The following PLA2R1 variants were observed in gnomAD, a reference collection of about 807,000 sequenced individuals.
PLA2R1 encodes the protein secretory phospholipase A2 receptor.
In PLA2R1, 158 loss-of-function variants were observed where a neutral mutation model predicts 195.9. The observed-to-expected ratio is 0.81, with a 90% CI of 0.71 to 0.92. PLA2R1 has a LOEUF of 0.92. Ranked by LOEUF, PLA2R1 falls within the 40% of genes least tolerant of loss-of-function variation. The pLI is 0.00. For synonymous variants in PLA2R1, 586 were observed against 598.2 expected (o/e 0.98, Z 0.30); for missense variants, 1,626 against 1,764.6 (o/e 0.92, Z 1.41).
intron 11 of PLA2R1, among the ~76,000 whole-genome samples, chr2:159,993,994 A>G (rs1343823449): frequency 6.6e-6 from 1 of 152,046 alleles, no homozygotes; most frequent in Non-Finnish European, 1.5e-5. Flanking sequence ...TTTTTATAGG[A>G]CTATCCCAGC....
chr2:159,974,638 T>C (rs1290187065), intron 17 of PLA2R1, among the ~76,000 whole-genome samples: 1 of 152,174 alleles, frequency 6.6e-6, no homozygotes, highest in Non-Finnish European at 1.5e-5. Context: ...ATATTGAACA[T>C]TATGGTTTTG....
At chr2:160,042,402 A>G (rs1248101307) in intron 2 of PLA2R1, among the ~76,000 whole-genome samples, 2 of 152,200 alleles carry the variant, frequency 1.3e-5, no homozygotes, top group African/African-American at 4.8e-5. Context: ...GTGCTGATAC[A>G]TGGTTTGCTT....
At chr2:160,039,592 C>T (rs1694394837) in intron 3 of PLA2R1, among the ~76,000 whole-genome samples, 1 of 152,088 alleles carries the variant, frequency 6.6e-6, no homozygotes, top group African/African-American at 2.4e-5. Context: ...TCTTCTCTGT[C>T]CTATCCACTT....
intron 11 of PLA2R1, among the ~76,000 whole-genome samples, chr2:160,002,052 C>T (rs1233394768): frequency 1.3e-5 from 2 of 151,542 alleles, no homozygotes; most frequent in Non-Finnish European, 3.0e-5. Context: ...AGAACACATG[C>T]AAGGCCATAA....
At position 159,976,584 on chromosome 2, in the gene PLA2R1, C is replaced by T. The variant is rs181815152; in HGVS notation, c.2437+101G>A. 4 of 758,100 alleles carry T rather than the reference C, an allele frequency of 5.3e-6. No individual in the cohort carries two copies. The East Asian group carries it at 1.1e-4, about 20-fold the overall frequency. 47.0% of individuals were successfully genotyped at this position (758,100 alleles called of 1,614,324 possible). On this transcript the variant is annotated intron_variant, in intron 16 of 29. Coordinates refer to ENST00000283243, the MANE Select transcript of PLA2R1 (RefSeq NM_007366.5). ...CTAGGTTGACACAAGAAAAGAGAGGCTCGATTTGAGAAATGTAACAACACA... is the reference window on the plus strand; with the variant it reads ...CTAGGTTGACACAAGAAAAGAGAGGTTCGATTTGAGAAATGTAACAACACA...
the PLA2R1 span, among the ~76,000 whole-genome samples, chr2:159,926,303 C>G: frequency 6.6e-6 from 1 of 152,034 alleles, no homozygotes; most frequent in Admixed American, 6.5e-5. Context: ...TTTGGAAAGG[C>G]GATAAATGAC....
At position 160,013,255 on chromosome 2, in the gene PLA2R1, T is replaced by A. The variant is rs574923344; in HGVS notation, c.1664+8A>T. Reference sequence around the variant, plus strand: ...CGTCTTGTTTCTGTTAAAAAAAGTTTAATTTACCTGTTTGTAATGGTTACA... The same window carrying A: ...CGTCTTGTTTCTGTTAAAAAAAGTTAAATTTACCTGTTTGTAATGGTTACA... On this transcript the variant is annotated splice_region_variant and intron_variant, in intron 10 of 29. Transcript: ENST00000283243. 1.3e-6 allele frequency: 2 copies of A among 1,485,342 alleles called. No homozygotes were observed. Among genetic ancestry groups the A allele is most frequent in the Non-Finnish European group, 1.9e-6 (2 of 1,065,678 alleles). The allele number at this position is 1,485,342 out of a possible 1,614,324, so 92.0% of individuals were successfully genotyped here.
At chr2:160,006,533 G>A (rs1691997260) in intron 10 of PLA2R1, among the ~76,000 whole-genome samples, 1 of 152,158 alleles carries the variant, frequency 6.6e-6, no homozygotes, top group Admixed American at 6.5e-5. Flanking sequence ...TTTCCAGTAT[G>A]AATGCATCAA....
chr2:159,950,168 A>C (rs1224076361), intron 24 of PLA2R1, among the ~76,000 whole-genome samples: 1 of 152,224 alleles, frequency 6.6e-6, no homozygotes, highest in Admixed American at 6.5e-5. Flanking sequence ...TCCAAGTCAT[A>C]GAAAATCCAG....
chr2:159,966,230 C>T (rs762628556), intron 20 of PLA2R1, among the ~76,000 whole-genome samples: 3 of 152,158 alleles, frequency 2.0e-5, no homozygotes, highest in Admixed American at 1.3e-4. Flanking sequence ...GAAGTCCTGT[C>T]GCATGCCAGT....
chr2:159,992,598 T>C (rs955550904), intron 11 of PLA2R1, among the ~76,000 whole-genome samples: 16 of 149,916 alleles, frequency 1.1e-4, no homozygotes, highest in African/African-American at 3.5e-4. Context: ...CCCAAGGTAA[T>C]TTACAGATTC....
intron 20 of PLA2R1, among the ~76,000 whole-genome samples, chr2:159,967,306 A>C (rs1261090891): frequency 6.6e-6 from 1 of 152,200 alleles, no homozygotes; most frequent in African/African-American, 2.4e-5. Flanking sequence ...GCCAACAGTA[A>C]AACTGAGTAT....
intron 14 of PLA2R1, among the ~76,000 whole-genome samples, chr2:159,977,733 T>G (rs56265955): frequency 6.6e-6 from 1 of 152,038 alleles, no homozygotes; most frequent in Non-Finnish European, 1.5e-5. Context: ...CTCAGGAGAT[T>G]GAGACCATCC....
chr2:160,020,139 A>G lies in PLA2R1; in HGVS notation c.1419T>C (p.Asn473=), dbSNP rs1693011672. The G allele has an allele frequency of 6.2e-7, 1 of 1,613,958 alleles. No individual in the cohort carries two copies. The highest frequency in any genetic ancestry group is 8.5e-7 in the Non-Finnish European group (1 of 1,179,880). The part of the protein sequence containing the change: ...WHTLEPHIFP[N]RSQLCVSAEQ... The stretch of plus-strand genomic sequence containing the variant: ...CTGCTGAGACACACAGCTGGCTTCT[A>G]TTTGGAAAAATGTGGGGCTCAAGTG... The change falls in exon 8 of 30, where the codon AAT becomes AAC. Residue 473 remains asparagine (N), a synonymous_variant. Coordinates refer to ENST00000283243, the MANE Select transcript of PLA2R1 (RefSeq NM_007366.5).
chr2:160,062,181 G>A (rs1256412844), intron 1 of PLA2R1, 114 bp downstream of exon 1: 7 of 768,792 alleles, frequency 9.1e-6, no homozygotes, highest in South Asian at 5.9e-5. Flanking sequence ...CTACAAACGC[G>A]GCCGCCCTTG....
Position 159,935,059 on chromosome 2 carries a change from A to C in PLA2R1, c.*6719T>G, listed in dbSNP as rs1402694648. ...AATGTCCCTCAACTTGGATTTGTCT[A>C]ATGTTTTTTCATGATTGAGATTATG... On this transcript the variant is annotated 3_prime_UTR_variant, in exon 30 of 30. Coordinates refer to ENST00000283243, the MANE Select transcript of PLA2R1 (RefSeq NM_007366.5). 3 of 152,100 alleles carry C rather than the reference A, an allele frequency of 2.0e-5. No homozygotes were observed. The highest frequency in any genetic ancestry group is 4.4e-5 in the Non-Finnish European group (3 of 68,006). 9.4% of individuals were successfully genotyped at this position (152,100 alleles called of 1,614,324 possible). A position where few individuals can be genotyped will look rare whatever the true frequency, so the allele number is the denominator to read the frequency against.
At chr2:160,036,107 A>G (rs1306837301) in intron 3 of PLA2R1, among the ~76,000 whole-genome samples, 1 of 152,058 alleles carries the variant, frequency 6.6e-6, no homozygotes, top group Non-Finnish European at 1.5e-5. Flanking sequence ...TTTCTATTCT[A>G]TACATTCTTT....
At chr2:160,010,134 C>G (rs542856991) in intron 10 of PLA2R1, among the ~76,000 whole-genome samples, 14 of 152,186 alleles carry the variant, frequency 9.2e-5, no homozygotes, top group Admixed American at 1.3e-4. Flanking sequence ...GTAAAATAAA[C>G]TTAGGAGAAA....
At chr2:159,994,771 T>C (rs1691089485) in intron 11 of PLA2R1, among the ~76,000 whole-genome samples, 1 of 151,974 alleles carries the variant, frequency 6.6e-6, no homozygotes, top group Non-Finnish European at 1.5e-5. Context: ...TACTATTTGA[T>C]AAACTTAATA....
Sources: allele counts gnomAD v4.1 joint callset (sites outside exome capture counted in the v4.1 genomes callset), GRCh38; gene constraint gnomAD v4.1.1; transcripts MANE v1.5; gene names NCBI Gene and HGNC (gene_info 2026-07-23, HGNC 2026-07-21).